Variants in CDCA2 observed in about 807,000 individuals in gnomAD.
CDCA2 encodes the protein cell division cycle-associated protein 2.
Under a neutral mutation model 67.0 loss-of-function variants are expected in CDCA2, and 44 were observed. The observed-to-expected ratio is 0.66, with a 90% CI of 0.52 to 0.84. The LOEUF is 0.84. Ranked by LOEUF, CDCA2 falls within the 40% of genes least tolerant of loss-of-function variation. CDCA2 has a pLI of 0.00. For synonymous variants in CDCA2, 447 were observed against 418.7 expected (o/e 1.07, Z -0.82); for missense variants, 1,253 against 1,203.2 (o/e 1.04, Z -0.61).
At chr8:25,461,528 A>G (rs774712847) in intron 3 of CDCA2, among the ~76,000 whole-genome samples, 1 of 152,214 alleles carries the variant, frequency 6.6e-6, no homozygotes, top group African/African-American at 2.4e-5. Context: ...TCTCAAAAAC[A>G]TCACTCTTAG....
chr8:25,487,198 A>G (rs376377831), intron 11 of CDCA2, 48 bp from the exon 12 acceptor site: 1 of 1,110,944 alleles, frequency 9.0e-7, no homozygotes, highest in Non-Finnish European at 1.4e-6. Flanking sequence ...GATGTATGTT[A>G]TAGTTTTTGG....
intron 13 of CDCA2, among the ~76,000 whole-genome samples, chr8:25,499,197 G>T (rs2117546638): frequency 6.6e-6 from 1 of 151,972 alleles, no homozygotes; most frequent in East Asian, 1.9e-4. Flanking sequence ...AGAGCTAAAA[G>T]TGGAGCCAGC....
chr8:25,506,807 G>T lies in CDCA2; in HGVS notation c.2141G>T (p.Cys714Phe). 1 of 1,614,048 alleles carries T rather than the reference G, an allele frequency of 6.2e-7. No individual in the cohort carries two copies. Among genetic ancestry groups the T allele is most frequent in the Non-Finnish European group, 8.5e-7 (1 of 1,180,004 alleles). The change falls in exon 15 of 15, where the codon TGT becomes TTT. Residue 714 changes from cysteine (C) to phenylalanine (F), a missense_variant. By Grantham distance (205) the Cys-to-Phe change is radical. Coordinates refer to ENST00000330560, the MANE Select transcript of CDCA2 (RefSeq NM_152562.4). The part of the protein sequence containing the change: ...PKAGTDSPVS[C>F]ASVTEERVAS... The stretch of plus-strand genomic sequence containing the variant: ...GCTGGAACTGACAGTCCTGTTTCTT[G>T]TGCTTCTGTAACTGAAGAACGTGTG...
intron 4 of CDCA2, among the ~76,000 whole-genome samples, chr8:25,463,568 T>G (rs1200391861): frequency 4.6e-5 from 7 of 152,140 alleles, no homozygotes; most frequent in Non-Finnish European, 1.0e-4. Flanking sequence ...CTATAGACTT[T>G]GTATCATGAA....
intron 13 of CDCA2, 105 bp from the exon 14 acceptor site, chr8:25,503,268 G>C: frequency 1.2e-6 from 1 of 832,848 alleles, no homozygotes; most frequent in South Asian, 1.7e-5. Flanking sequence ...GGATGACAAA[G>C]TGAGACCCTG....
intron 13 of CDCA2, among the ~76,000 whole-genome samples, chr8:25,499,814 CT>C (rs2117547857): frequency 6.6e-6 from 1 of 152,304 alleles, no homozygotes; most frequent in South Asian, 2.1e-4. Flanking sequence ...ATAATCCACC[CT>C]AACCATTTAT....
In CDCA2 at chr8:25,506,969, A is replaced by T. The variant is rs777214699; in HGVS notation, c.2303A>T (p.Asp768Val). ...AACATAAAGTGTGAAAGAAAGGATG[A>T]CTTCTTAGGAGCTGCAGAAGGAAAA... ...DLNIKCERKDDFLGAAEGKLQ... is the reference protein window; with the variant it reads ...DLNIKCERKDVFLGAAEGKLQ... The change falls in exon 15 of 15, where the codon GAC becomes GTC. Residue 768 changes from aspartate (D) to valine (V), a missense_variant. Asp to Val is a radical substitution (Grantham distance 152). Coordinates refer to ENST00000330560, the MANE Select transcript of CDCA2 (RefSeq NM_152562.4). The T allele has an allele frequency of 1.2e-6, 2 of 1,614,006 alleles. No individual in the cohort carries two copies. Among genetic ancestry groups the T allele is most frequent in the Non-Finnish European group, 1.7e-6 (2 of 1,179,948 alleles).
chr8:25,473,478 T>A (rs538361542), intron 7 of CDCA2, among the ~76,000 whole-genome samples: 62 of 152,324 alleles, frequency 4.1e-4, no homozygotes, highest in African/African-American at 1.4e-3. Context: ...TAGGCAGTAA[T>A]CAGTACATGT....
chr8:25,483,613 G>A (rs1275066968), intron 9 of CDCA2, 127 bp downstream of exon 9: 3 of 651,130 alleles, frequency 4.6e-6, no homozygotes, highest in Non-Finnish European at 5.1e-6. Flanking sequence ...CGTGAATGAA[G>A]AACAGTTGAG....
chr8:25,474,670 G>A (rs1212567394), intron 7 of CDCA2, among the ~76,000 whole-genome samples: 1 of 152,186 alleles, frequency 6.6e-6, no homozygotes, highest in Non-Finnish European at 1.5e-5. Context: ...CCTTCAGTCA[G>A]GTAGAGCTGC....
At chr8:25,479,790 G>A in intron 7 of CDCA2, 123 bp from the exon 8 acceptor site, 1 of 841,786 alleles carries the variant, frequency 1.2e-6, no homozygotes, top group Non-Finnish European at 1.9e-6. Context: ...TGCCCAATCA[G>A]GTTATATTAG....
rs1354086578 is a variant in CDCA2 at position 25,485,848 on chromosome 8, G to T, written c.1444+11G>T. 3 of 1,493,866 alleles carry T rather than the reference G, an allele frequency of 2.0e-6. No homozygotes were observed. The highest frequency in any genetic ancestry group is 2.8e-6 in the Non-Finnish European group (3 of 1,083,678). 92.5% of individuals were successfully genotyped at this position (1,493,866 alleles called of 1,614,324 possible). A position where few individuals can be genotyped will look rare whatever the true frequency, so the allele number is the denominator to read the frequency against. Reference sequence around the variant, plus strand: ...CTGAGACCCTTTCAGGTAGTAACTTGTTTATCTTAAAATCATAAATGTCAT... The same window carrying T: ...CTGAGACCCTTTCAGGTAGTAACTTTTTTATCTTAAAATCATAAATGTCAT... On this transcript the variant is annotated intron_variant, in intron 11 of 14. Coordinates refer to ENST00000330560, the MANE Select transcript of CDCA2 (RefSeq NM_152562.4).
At chr8:25,495,000 A>G (rs529691040) in intron 13 of CDCA2, among the ~76,000 whole-genome samples, 1 of 152,338 alleles carries the variant, frequency 6.6e-6, no homozygotes, top group Non-Finnish European at 1.5e-5. Flanking sequence ...AGCCTCCAGA[A>G]CTGGGAGAAA....
Position 25,483,437 on chromosome 8 carries a change from TC to T in CDCA2, c.1073del (p.Pro358ArgfsTer3). On this transcript the variant is annotated frameshift_variant, in exon 9 of 15. Coordinates refer to ENST00000330560, the MANE Select transcript of CDCA2 (RefSeq NM_152562.4). LOFTEE classifies it high-confidence loss of function. ...ACCTCTATGATGATGATGGGACTCA[TC>T]CGAGCTTAATCTCAAATCTCCCAAA... The part of the protein sequence containing the change: ...NNLYDDDGTH[P>X]SLISNLPNCC... 6.2e-7 allele frequency: 1 copy of T among 1,611,860 alleles called. No individual in the cohort carries two copies. The highest frequency in any genetic ancestry group is 8.5e-7 in the Non-Finnish European group (1 of 1,179,058).
chr8:25,490,119 GA>G (rs1803943998), intron 13 of CDCA2, among the ~76,000 whole-genome samples: 1 of 152,096 alleles, frequency 6.6e-6, no homozygotes. Flanking sequence ...TTGATAAAAT[GA>G]TGAAAGATTA....
At chr8:25,492,807 A>G (rs1356805285) in intron 13 of CDCA2, among the ~76,000 whole-genome samples, 1 of 152,204 alleles carries the variant, frequency 6.6e-6, no homozygotes, top group Non-Finnish European at 1.5e-5. Context: ...TTAACAATCT[A>G]ATGATAGGAA....
At position 25,484,107 on chromosome 8, in the gene CDCA2, T is replaced by C; in HGVS notation, c.1262T>C (p.Val421Ala). Residue 421 changes from valine to alanine, a missense_variant, in exon 10 of 15, where the codon GTT becomes GCT. Physicochemically the swap from Val to Ala is moderately conservative, Grantham distance 64. Coordinates refer to ENST00000330560, the MANE Select transcript of CDCA2 (RefSeq NM_152562.4). ...CCATTGCGTAAAGGAGGAACACCTGTTTGTAAAAAAGACTTCAGTGGTCTC... is the reference window on the plus strand; with the variant it reads ...CCATTGCGTAAAGGAGGAACACCTGCTTGTAAAAAAGACTTCAGTGGTCTC... ...NTPLRKGGTP[V>A]CKKDFSGLSS... is the part of the protein sequence containing the mutation. The C allele has an allele frequency of 6.2e-7, 1 of 1,614,192 alleles. No homozygotes were observed. The highest frequency in any genetic ancestry group is 1.1e-5 in the South Asian group (1 of 91,084).
chr8:25,468,640 C>G (rs1433914500), intron 6 of CDCA2, among the ~76,000 whole-genome samples: 2 of 151,976 alleles, frequency 1.3e-5, no homozygotes, highest in Non-Finnish European at 2.9e-5. Flanking sequence ...GGATAATGAT[C>G]TCACTTTTGA....
intron 13 of CDCA2, 88 bp downstream of exon 13, chr8:25,488,777 T>A: frequency 7.5e-7 from 1 of 1,339,248 alleles, no homozygotes; most frequent in Non-Finnish European, 9.8e-7. Context: ...CACATTTTTT[T>A]CCAGTTGACT....
Sources: gnomAD v4.1 joint callset for allele counts (sites outside exome capture counted in the v4.1 genomes callset) on GRCh38, gnomAD v4.1.1 for gene constraint, MANE v1.5 for transcripts, NCBI Gene and HGNC (gene_info 2026-07-23, HGNC 2026-07-21) for gene names.